Variants in DKC1 observed in about 807,000 individuals in gnomAD.
DKC1 encodes the protein dyskerin pseudouridine synthase 1, also known as H/ACA ribonucleoprotein complex subunit DKC1.
DKC1 carries 4 observed loss-of-function variants against 46.7 expected under a neutral mutation model. That is an observed-to-expected ratio of 0.09 (90% confidence interval 0.04 to 0.20). The LOEUF (loss-of-function observed/expected upper bound fraction) is 0.20. Among genes scored for constraint, DKC1 ranks in the 10% least tolerant of loss-of-function variants. DKC1 has a pLI of 1.00. For synonymous variants in DKC1, 141 were observed against 142.4 expected (o/e 0.99, Z 0.07); for missense variants, 171 against 404.2 (o/e 0.42, Z 4.95).
At chrX:154,770,694 C>T (rs1180283434) in intron 9 of DKC1, 65 bp from the exon 10 acceptor site, 1 of 1,197,704 alleles carries the variant, frequency 8.3e-7, no homozygotes, top group African/African-American at 1.8e-5. Flanking sequence ...TCCTCCTTTA[C>T]TCTGGTGTGG....
chrX:154,766,998 C>T lies in DKC1; in HGVS notation c.450C>T (p.Gly150=). The T allele has an allele frequency of 8.3e-7, 1 of 1,210,580 alleles. No individual in the cohort carries two copies. Among genetic ancestry groups the T allele is most frequent in the South Asian group, 1.8e-5 (1 of 56,985 alleles). Residue 150 remains glycine (G), a splice_region_variant and synonymous_variant, in exon 6 of 15, where the codon GGC becomes GGT. Transcript: ENST00000369550. Reference sequence around the variant, plus strand: ...GACTACTCTTTTGTCATTTTTCAGGCAAAGAGTATGTGGGGATTGTCCGGC... The same window carrying T: ...GACTACTCTTTTGTCATTTTTCAGGTAAAGAGTATGTGGGGATTGTCCGGC... The part of the protein sequence containing the change: ...TRLVKSQQSA[G]KEYVGIVRLH...
At chrX:154,768,553 G>C in intron 8 of DKC1, 121 bp downstream of exon 8, 1 of 951,269 alleles carries the variant, frequency 1.1e-6, no homozygotes, top group Non-Finnish European at 1.5e-6. Flanking sequence ...TTCAGTCCAG[G>C]GCAGCTTCCC....
Position 154,773,616 on chromosome X carries a change from G to A in DKC1, c.1155+367G>A, listed in dbSNP as rs782570447. On this transcript the variant is annotated intron_variant, in intron 11 of 14. Transcript: ENST00000369550. ...CATGTTTCAGAGAGCACAGGGTTGG[G>A]GGTAAGGTCACAGATCAACAGGATC... Among the ~76,000 whole-genome samples, 101 of 109,805 alleles carry A rather than the reference G, an allele frequency of 9.2e-4. 1 individual carries two copies. In the South Asian group the frequency reaches 0.013, roughly 15 times the overall value.
At position 154,765,904 on chromosome X, in the gene DKC1, T is replaced by C; in HGVS notation, c.172-3T>C. 8.3e-7 allele frequency: 1 copy of C among 1,200,160 alleles called. No individual in the cohort carries two copies. The highest frequency in any genetic ancestry group is 1.1e-6 in the Non-Finnish European group (1 of 884,730). ...TGTTTTGTGTTGTGTCGTTGCTTTG[T>C]AGAATTTTGATAAGCTGAATGTAAG... On this transcript the variant is annotated splice_polypyrimidine_tract_variant and splice_region_variant and intron_variant, in intron 3 of 14. Transcript: ENST00000369550.
At chrX:154,765,834 AGTG>A (rs1331277489) in intron 3 of DKC1, 70 bp from the exon 4 acceptor site, 1 of 807,322 alleles carries the variant, frequency 1.2e-6, no homozygotes, top group African/African-American at 2.0e-5. Flanking sequence ...TGGGCCACAT[AGTG>A]GTACTGACTC....
chrX:154,765,847 CT>C, intron 3 of DKC1, 59 bp from the exon 4 acceptor site: 3 of 954,673 alleles, frequency 3.1e-6, no homozygotes, highest in Non-Finnish European at 4.5e-6. Context: ...GGTACTGACT[CT>C]TTTTTTACAT....
At chrX:154,774,348 T>TG (rs1183629344) in intron 11 of DKC1, among the ~76,000 whole-genome samples, 1 of 111,129 alleles carries the variant, frequency 9.0e-6, no homozygotes, top group Non-Finnish European at 1.9e-5. Flanking sequence ...GCAAGCAGCA[T>TG]GTGCAAAGGC....
Position 154,767,333 on chromosome X carries a change from G to A in DKC1, c.591G>A (p.Arg197=), listed in dbSNP as rs782639991. The A allele has an allele frequency of 2.5e-6, 3 of 1,211,560 alleles. No homozygotes were observed. The highest frequency in any genetic ancestry group is 2.2e-5 in the Admixed American group (1 of 46,031). Reference sequence around the variant, plus strand: ...CAGTAAAGAGGCAGCTCCGAGTGAGGACCATCTACGAGAGCAAAATGATTG... The same window carrying A: ...CAGTAAAGAGGCAGCTCCGAGTGAGAACCATCTACGAGAGCAAAATGATTG... ...IAAVKRQLRV[R]TIYESKMIEY... is the part of the protein sequence containing the mutation. Residue 197 remains arginine (R), a synonymous_variant, in exon 7 of 15, where the codon AGG becomes AGA. Coordinates refer to ENST00000369550, the MANE Select transcript of DKC1 (RefSeq NM_001363.5).
At chrX:154,765,223 C>T (rs1053010021) in intron 2 of DKC1, 2 of 485,411 alleles carry the variant, frequency 4.1e-6, no homozygotes, top group Non-Finnish European at 7.3e-6. Context: ...ACAGACCCGC[C>T]ATCCCCCTTT....
intron 8 of DKC1, chrX:154,768,928 A>G: frequency 3.0e-6 from 1 of 328,931 alleles, no homozygotes; most frequent in Non-Finnish European, 5.2e-6. Context: ...CGGAGCTTGC[A>G]GTGAGCCGAG....
rs180905616 is a variant in DKC1, at chrX:154,770,925, C to T, written c.1036+46C>T. 4.6e-5 allele frequency: 53 copies of T among 1,160,334 alleles called. No homozygotes were observed. In the African/African-American group the frequency reaches 8.0e-4, roughly 18 times the overall value. Reference sequence around the variant, plus strand: ...TTTAAATTCTAAATGTTTGTGGTTACATACTAGGTGTATATATTTATGGGG... The same window carrying T: ...TTTAAATTCTAAATGTTTGTGGTTATATACTAGGTGTATATATTTATGGGG... On this transcript the variant is annotated intron_variant, in intron 10 of 14. Coordinates refer to ENST00000369550, the MANE Select transcript of DKC1 (RefSeq NM_001363.5).
In DKC1 at chrX:154,762,997, TTCCGGGCCGTGCTAAC is replaced by T. The variant is rs2148507554; in HGVS notation, c.16+24_16+39del. 1.7e-6 allele frequency: 2 copies of T among 1,176,677 alleles called. No homozygotes were observed. Among genetic ancestry groups the T allele is most frequent in the Non-Finnish European group, 2.3e-6 (2 of 877,107 alleles). ...GATGCGGAAGGTAAGGGCTGCAGGC[TTCCGGGCCGTGCTAAC>T]TCCGGGCGACTCGGGGAACGGGGGT... On this transcript the variant is annotated intron_variant, in intron 1 of 14. Transcript: ENST00000369550.
At chrX:154,770,687 T>C in intron 9 of DKC1, 72 bp from the exon 10 acceptor site, 1 of 1,194,860 alleles carries the variant, frequency 8.4e-7, no homozygotes, top group Non-Finnish European at 1.1e-6. Context: ...CTTGTTGTCC[T>C]CCTTTACTCT....
At chrX:154,774,189 A>G (rs1325165318) in intron 11 of DKC1, among the ~76,000 whole-genome samples, 1 of 111,843 alleles carries the variant, frequency 8.9e-6, no homozygotes, top group African/African-American at 3.3e-5. Flanking sequence ...AGTGGCTACC[A>G]AGGAGTGCAG....
intron 3 of DKC1, among the ~76,000 whole-genome samples, 172 bp from the exon 4 acceptor site, chrX:154,765,735 A>G (rs1480809538): frequency 8.9e-6 from 1 of 112,682 alleles, no homozygotes; most frequent in Non-Finnish European, 1.9e-5. Flanking sequence ...CTGTTGTAGA[A>G]CACATGTCCC....
At position 154,768,269 on chromosome X, in the gene DKC1, G is replaced by A. The variant is rs781984888; in HGVS notation, c.641-33G>A. ...TCAACCAGTGATGTATTTACAGTAG[G>A]TGCTGCTTTTCTTTTGTGTGTGTGT... On this transcript the variant is annotated intron_variant, in intron 7 of 14. Coordinates refer to ENST00000369550, the MANE Select transcript of DKC1 (RefSeq NM_001363.5). 15 of 1,210,248 alleles carry A rather than the reference G, an allele frequency of 1.2e-5. 1 individual carries two copies. The South Asian group carries it at 2.3e-4, about 18-fold the overall frequency.
rs782728035 is a variant in DKC1, at chrX:154,773,268, C to T, written c.1155+19C>T. ...TCCAAAGGTAAGTGGTACTGGGTTG[C>T]GTGCCCTGCCAGGTTCTTTTTTTTT... On this transcript the variant is annotated intron_variant, in intron 11 of 14. Coordinates refer to ENST00000369550, the MANE Select transcript of DKC1 (RefSeq NM_001363.5). 32 of 656,870 alleles carry T rather than the reference C, an allele frequency of 4.9e-5. No homozygotes were observed. Among genetic ancestry groups the T allele is most frequent in the South Asian group, 3.5e-4 (13 of 37,381 alleles). The allele number at this position is 656,870 out of a possible 1,213,427, so 54.1% of individuals were successfully genotyped here. A position where few individuals can be genotyped will look rare whatever the true frequency, so the allele number is the denominator to read the frequency against.
In DKC1 at chrX:154,765,506, G is replaced by A. The variant is rs782504034; in HGVS notation, c.147G>A (p.Thr49=). The A allele has an allele frequency of 1.0e-5, 12 of 1,203,648 alleles. No individual in the cohort carries two copies. The African/African-American group carries it at 1.4e-4, about 14-fold the overall frequency. ...AATCCAAAGTTGCTAAGTTGGACAC[G>A]TCTCAGTGGCCCCTTTTGCTAAAGG... ...KPESKVAKLD[T]SQWPLLLKNF... Residue 49 remains threonine (T), a synonymous_variant, in exon 3 of 15, where the codon ACG becomes ACA. Coordinates refer to ENST00000369550, the MANE Select transcript of DKC1 (RefSeq NM_001363.5).
intron 13 of DKC1, 95 bp downstream of exon 13, chrX:154,775,368 A>G: frequency 1.2e-6 from 1 of 848,278 alleles, no homozygotes; most frequent in South Asian, 2.0e-5. Flanking sequence ...TCCGCAGTCC[A>G]GCCATATACG....
Sources: gnomAD v4.1 joint callset for allele counts (sites outside exome capture counted in the v4.1 genomes callset) on GRCh38, gnomAD v4.1.1 for gene constraint, MANE v1.5 for transcripts, NCBI Gene and HGNC (gene_info 2026-07-23, HGNC 2026-07-21) for gene names.